The following MOCS1 variants were observed in gnomAD, a reference collection of about 807,000 sequenced individuals.
MOCS1 encodes the protein molybdenum cofactor synthesis 1, also known as molybdenum cofactor biosynthesis protein 1.
A neutral mutation model predicts 57.6 loss-of-function variants in MOCS1; 39 were observed. The ratio of observed to expected loss-of-function variants is 0.68; its 90% CI spans 0.52 to 0.88. The LOEUF (loss-of-function observed/expected upper bound fraction) is 0.88, where lower values mean the gene tolerates loss of function less well. MOCS1 is among the 40% of genes least tolerant of loss of function. The pLI, the probability that MOCS1 is intolerant of heterozygous loss-of-function variation, is 0.00. For missense variants in MOCS1, 795 were observed against 831.1 expected (o/e 0.96, Z 0.53); for synonymous variants, 334 against 335.7 (o/e 1.00, Z 0.05).
chr6:39,925,023 T>C (rs1020785357), intron 3 of MOCS1, among the ~76,000 whole-genome samples: 5 of 152,148 alleles, frequency 3.3e-5, no homozygotes, highest in African/African-American at 1.2e-4. Context: ...GAGGTTGCAG[T>C]GAGCCGAGAT....
At chr6:39,910,022 CTAACTCCTTCCCTGGTT>C in intron 8 of MOCS1, 67 bp from the exon 9 acceptor site, 1 of 1,602,508 alleles carries the variant, frequency 6.2e-7, no homozygotes, top group East Asian at 2.2e-5. Context: ...CTCTGAGGAG[CTAACTCCTTCCCTGGTT>C]CTCCCTCCGG....
intron 3 of MOCS1, among the ~76,000 whole-genome samples, chr6:39,924,455 ACCAAACACACAAC>A (rs1213918034): frequency 6.6e-6 from 1 of 152,250 alleles, no homozygotes; most frequent in East Asian, 1.9e-4. Flanking sequence ...AATTAAAGAA[ACCAAACACACAAC>A]CCAAACACAC....
At chr6:39,926,295 C>A (rs1562100657) in intron 2 of MOCS1, among the ~76,000 whole-genome samples, 1 of 152,156 alleles carries the variant, frequency 6.6e-6, no homozygotes, top group African/African-American at 2.4e-5. Flanking sequence ...TCTGGCCTGG[C>A]AAAAGCTGCC....
In MOCS1 at chr6:39,934,288, G is replaced by T. The variant is rs1266819924; in HGVS notation, c.123+7C>A. On this transcript the variant is annotated splice_region_variant and intron_variant, in intron 1 of 10. Coordinates refer to ENST00000340692, the MANE Select transcript of MOCS1 (RefSeq NM_001358530.2). ...GGAAGCTGTGGACGCAGGCGGGGTG[G>T]GCTCACCTCCGAGGCAGCTCGCGCG... 2 of 1,539,504 alleles carry T rather than the reference G, an allele frequency of 1.3e-6. No homozygotes were observed. The highest frequency in any genetic ancestry group is 1.7e-6 in the Non-Finnish European group (2 of 1,148,134).
In MOCS1 at chr6:39,933,224, C is replaced by A. The variant is rs567370083; in HGVS notation, c.123+1071G>T. Among the ~76,000 whole-genome samples the A allele has an allele frequency of 9.2e-5, 14 of 152,124 alleles. No homozygotes were observed. The South Asian group carries it at 2.7e-3, about 29-fold the overall frequency. ...CAGGTTCTCTCATGAAAGACCAGTA[C>A]AAAATAAACTAGGGGGTGGGGGGCT... On this transcript the variant is annotated intron_variant, in intron 1 of 10. Coordinates refer to ENST00000340692, the MANE Select transcript of MOCS1 (RefSeq NM_001358530.2).
Position 39,905,636 on chromosome 6 carries a change from T to G in MOCS1, c.*721A>C, listed in dbSNP as rs1433166031. The G allele has an allele frequency of 2.1e-6, 1 of 471,086 alleles. No homozygotes were observed. Among genetic ancestry groups the G allele is most frequent in the Admixed American group, 2.3e-5 (1 of 42,556 alleles). The allele number at this position is 471,086 out of a possible 1,614,324, so 29.2% of individuals were successfully genotyped here. ...TAAAGAGGGGTGGGTGGAACAGCCG[T>G]GAACAGGGCCAGGTGTGGGCTGTGT... On this transcript the variant is annotated 3_prime_UTR_variant, in exon 11 of 11. Coordinates refer to ENST00000340692, the MANE Select transcript of MOCS1 (RefSeq NM_001358530.2).
In MOCS1 at chr6:39,906,720, C is replaced by A. The variant is rs752893209; in HGVS notation, c.1548G>T (p.Pro516=). ...AVASAVVLLG[P]VAFKLVQQNQ... ...TCTGCTGGACAAGCTTGAAGGCTAC[C>A]GGTCCCAGGAGGACCACGGCTGAAG... is the stretch of plus-strand genomic sequence containing the variant. Residue 516 remains proline, a synonymous_variant, in exon 11 of 11, where the codon CCG becomes CCT. Coordinates refer to ENST00000340692, the MANE Select transcript of MOCS1 (RefSeq NM_001358530.2). 1.2e-6 allele frequency: 2 copies of A among 1,614,168 alleles called. No homozygotes were observed. Among genetic ancestry groups the A allele is most frequent in the Non-Finnish European group, 1.7e-6 (2 of 1,180,042 alleles).
At chr6:39,929,939 CAAAAAAAAAAAAA>C (rs397948587) in intron 1 of MOCS1, among the ~76,000 whole-genome samples, 1 of 96,738 alleles carries the variant, frequency 1.0e-5, no homozygotes, top group Non-Finnish European at 2.0e-5. Flanking sequence ...GAGATTCTCT[CAAAAAAAAAAAAA>C]AAAAAAAAAA....
Position 39,925,812 on chromosome 6 carries a change from A to G in MOCS1, c.284T>C (p.Leu95Pro). ...GGTCAGCAGGTTGGCTTTGGGGGTC[A>G]GCGGGACCCCCTCCTCGGGCATGCA... is the stretch of plus-strand genomic sequence containing the variant. ...QYCMPEEGVP[L>P]TPKANLLTTE... Residue 95 changes from leucine (L) to proline (P), a missense_variant, in exon 3 of 11, where the codon CTG becomes CCG. By Grantham distance (98) the Leu-to-Pro change is moderately conservative. Around this residue, in one of 3 missense-constraint regions of MOCS1, gnomAD observed 416 missense variants for 392.4 expected, o/e 1.06. Coordinates refer to ENST00000340692, the MANE Select transcript of MOCS1 (RefSeq NM_001358530.2). The G allele has an allele frequency of 6.2e-7, 1 of 1,612,682 alleles. No homozygotes were observed. Among genetic ancestry groups the G allele is most frequent in the Non-Finnish European group, 8.5e-7 (1 of 1,179,888 alleles).
Position 39,934,344 on chromosome 6 carries a change from G to T in MOCS1, c.74C>A (p.Ala25Asp). 7 of 1,553,028 alleles carry T rather than the reference G, an allele frequency of 4.5e-6. No individual in the cohort carries two copies. Among genetic ancestry groups the T allele is most frequent in the Non-Finnish European group, 6.1e-6 (7 of 1,153,730 alleles). The change falls in exon 1 of 11, where the codon GCT becomes GAT. Residue 25 changes from alanine to aspartate, a missense_variant. Transcript: ENST00000340692. ...CCCGGGGCAGGGCTGGGTCACCGGA[G>T]CCCCTGAGCTGCAGCTCCGGGCGCT... is the stretch of plus-strand genomic sequence containing the variant. ...RSSARSCSSG[A>D]PVTQPCPGES... is the part of the protein sequence containing the mutation.
intron 2 of MOCS1, among the ~76,000 whole-genome samples, chr6:39,926,187 G>A (rs146842357): frequency 1.9e-4 from 29 of 152,304 alleles, no homozygotes; most frequent in Middle Eastern, 3.4e-3. Context: ...GGGCAGGGGC[G>A]TTCCTCCTGG....
At chr6:39,924,295 G>A (rs796965944) in intron 3 of MOCS1, among the ~76,000 whole-genome samples, 11 of 152,322 alleles carry the variant, frequency 7.2e-5, no homozygotes, top group African/African-American at 2.2e-4. Flanking sequence ...GGAATATGCC[G>A]TACTGCAGAG....
chr6:39,906,875 C>A lies in MOCS1; in HGVS notation c.1393G>T (p.Gly465Cys). ...SDANSKCLSP[G>C]SWASAAPSGP... ...GAGGGGGCAGCAGAAGCCCAGGAAC[C>A]TGGGCTAAGGCACTTTGAGTTGGCA... Residue 465 changes from glycine to cysteine, a missense_variant, in exon 11 of 11, where the codon GGT becomes TGT. Around this residue, in one of 3 missense-constraint regions of MOCS1, gnomAD observed 374 missense variants for 422.6 expected, o/e 0.89. Coordinates refer to ENST00000340692, the MANE Select transcript of MOCS1 (RefSeq NM_001358530.2). The A allele has an allele frequency of 6.2e-7, 1 of 1,614,188 alleles. No homozygotes were observed. Among genetic ancestry groups the A allele is most frequent in the South Asian group, 1.1e-5 (1 of 91,080 alleles).
intron 1 of MOCS1, among the ~76,000 whole-genome samples, chr6:39,932,023 A>G (rs1223895222): frequency 3.9e-5 from 6 of 151,966 alleles, no homozygotes; most frequent in Non-Finnish European, 8.8e-5. Context: ...AAGCTACTCG[A>G]CCTGTTCTTG....
chr6:39,921,798 G>A (rs1044653738), intron 3 of MOCS1, among the ~76,000 whole-genome samples: 3 of 152,124 alleles, frequency 2.0e-5, no homozygotes, highest in East Asian at 1.9e-4. Context: ...TTTTTTTTAC[G>A]TTCAGGGGTA....
chr6:39,917,233 G>A (rs1328605667), intron 3 of MOCS1, among the ~76,000 whole-genome samples: 1 of 152,200 alleles, frequency 6.6e-6, no homozygotes, highest in African/African-American at 2.4e-5. Flanking sequence ...CATGGCAGAA[G>A]AGGAAGCAAA....
intron 3 of MOCS1, among the ~76,000 whole-genome samples, chr6:39,917,070 C>T (rs2149408185): frequency 6.6e-6 from 1 of 152,260 alleles, no homozygotes; most frequent in South Asian, 2.1e-4. Context: ...GGATAAAGCA[C>T]CAGTGCAGAC....
chr6:39,905,298 G>T lies in MOCS1; in HGVS notation c.*1059C>A, dbSNP rs7758371. 22 of 455,200 alleles carry T rather than the reference G, an allele frequency of 4.8e-5. No homozygotes were observed. The highest frequency in any genetic ancestry group is 2.9e-4 in the South Asian group (19 of 64,520). 28.2% of individuals were successfully genotyped at this position (455,200 alleles called of 1,614,324 possible). A position where few individuals can be genotyped will look rare whatever the true frequency, so the allele number is the denominator to read the frequency against. ...CACCCCTGGCCACCACCTGACAAAA[G>T]ATTTCCCTTAGATGGTGCATTTCTA... On this transcript the variant is annotated 3_prime_UTR_variant, in exon 11 of 11. Transcript: ENST00000340692.
At position 39,904,497 on chromosome 6, in the gene MOCS1, T is replaced by C. The variant is rs1766688731; in HGVS notation, c.*1860A>G. The C allele has an allele frequency of 2.2e-6, 1 of 454,316 alleles. No homozygotes were observed. The highest frequency in any genetic ancestry group is 2.0e-5 in the African/African-American group (1 of 50,016). The allele number at this position is 454,316 out of a possible 1,614,324, so 28.1% of individuals were successfully genotyped here. A position where few individuals can be genotyped will look rare whatever the true frequency, so the allele number is the denominator to read the frequency against. ...CCTGCCACCTTTAGATAAGTTTCTC[T>C]AGCTAATTTTGTGGCCAATGTAAAA... On this transcript the variant is annotated 3_prime_UTR_variant, in exon 11 of 11. Coordinates refer to ENST00000340692, the MANE Select transcript of MOCS1 (RefSeq NM_001358530.2).
Sources: allele counts gnomAD v4.1 joint callset (sites outside exome capture counted in the v4.1 genomes callset), GRCh38; gene constraint gnomAD v4.1.1; regional missense constraint gnomAD v4.1.1; transcripts MANE v1.5; gene names NCBI Gene and HGNC (gene_info 2026-07-23, HGNC 2026-07-21).